CTBP2: variants seen among roughly 807,000 people sequenced by gnomAD.
CTBP2 encodes C-terminal binding protein 2, also known as C-terminal-binding protein 2.
CTBP2 carries 30 observed loss-of-function variants against 80.3 expected under a neutral mutation model. The observed-to-expected ratio is 0.37, with a 90% CI of 0.28 to 0.51. The LOEUF (loss-of-function observed/expected upper bound fraction) is 0.51. CTBP2 is among the 20% of genes least tolerant of loss of function. The probability of loss-of-function intolerance (pLI) is 0.93; values close to 1 mark genes in which losing one functional copy is unlikely to be tolerated. For synonymous variants in CTBP2, 594 were observed against 587.4 expected (o/e 1.01, Z -0.16); for missense variants, 1,212 against 1,375.3 (o/e 0.88, Z 1.88).
At chr10:125,114,459 T>C (rs1852853922) in intron 1 of CTBP2, among the ~76,000 whole-genome samples, 1 of 152,076 alleles carries the variant, frequency 6.6e-6, no homozygotes. Flanking sequence ...AGCTAGTTCC[T>C]GCACCTTCCA....
chr10:125,059,307 A>G (rs1018328648), intron 2 of CTBP2, among the ~76,000 whole-genome samples: 19 of 152,090 alleles, frequency 1.2e-4, no homozygotes, highest in African/African-American at 4.6e-4. Context: ...GAGGCCGGGC[A>G]TGGTGTTTCA....
chr10:125,135,357 G>C (rs1259420045), intron 1 of CTBP2, among the ~76,000 whole-genome samples: 1 of 152,090 alleles, frequency 6.6e-6, no homozygotes, highest in Admixed American at 6.5e-5. Context: ...AAAATGTAAG[G>C]TCCCGGAATC....
intron 2 of CTBP2, among the ~76,000 whole-genome samples, chr10:125,051,688 T>C (rs1962814045): frequency 6.6e-6 from 1 of 151,620 alleles, no homozygotes; most frequent in Non-Finnish European, 1.5e-5. Flanking sequence ...CCTTTTCAAT[T>C]AAATGCCCAC....
At chr10:125,003,562 C>T (rs1319811666) in intron 1 of CTBP2, 70 bp from the exon 4 acceptor site, 37 of 1,264,504 alleles carry the variant, frequency 2.9e-5, no homozygotes, top group Non-Finnish European at 3.7e-5. Flanking sequence ...AGGGGCAGCT[C>T]CCCACTCATC....
chr10:125,046,972 T>C (rs1002403080), intron 2 of CTBP2, among the ~76,000 whole-genome samples: 4 of 152,210 alleles, frequency 2.6e-5, no homozygotes, highest in African/African-American at 9.6e-5. Flanking sequence ...GCAGAAAGAA[T>C]TTGTGATTTT....
upstream of CTBP2, among the ~76,000 whole-genome samples, chr10:125,031,753 C>T (rs1958244819): frequency 6.6e-6 from 1 of 152,232 alleles, no homozygotes; most frequent in South Asian, 2.1e-4. Context: ...GTGCACCGTG[C>T]ACCCTTGCTT....
chr10:125,092,705 G>A (rs182534905), intron 2 of CTBP2, among the ~76,000 whole-genome samples: 2 of 152,316 alleles, frequency 1.3e-5, no homozygotes, highest in Admixed American at 6.5e-5. Context: ...AGGTGGTGAC[G>A]TCACCAGGCA....
intron 8 of CTBP2, among the ~76,000 whole-genome samples, chr10:124,990,365 T>C (rs984031237): frequency 1.3e-5 from 2 of 152,152 alleles, no homozygotes; most frequent in African/African-American, 2.4e-5. Flanking sequence ...TTTTATGGGA[T>C]AGTTTATCTT....
Position 125,098,746 on chromosome 10 carries a change from G to GAGAC in CTBP2, c.-102+12240_-102+12243dup, listed in dbSNP as rs1564914662. On this transcript the variant is annotated intron_variant, in intron 2 of 10. Coordinates refer to the CTBP2 transcript ENST00000337195. Reference sequence around the variant, plus strand: ...AGACAGAGAGAGAGAGAGAGAGAGAGAGACAGAGAGAGAGAGAGAGAGAGA... The same window carrying GAGAC: ...AGACAGAGAGAGAGAGAGAGAGAGAGAGACAGACAGAGAGAGAGAGAGAGAGAGA... 3.8e-5 allele frequency among the ~76,000 whole-genome samples: 3 copies of GAGAC among 79,298 alleles called. No individual in the cohort carries two copies. The Admixed American group carries it at 3.8e-4, about 10-fold the overall frequency. The allele number at this position is 79,298 out of a possible 152,430, so 52.0% of individuals were successfully genotyped here.
intron 1 of CTBP2, among the ~76,000 whole-genome samples, chr10:125,155,783 C>G (rs1377665445): frequency 1.3e-5 from 2 of 152,092 alleles, no homozygotes; most frequent in Non-Finnish European, 2.9e-5. Flanking sequence ...GGAGGAGAAG[C>G]CTTGCATTTT....
At chr10:125,039,261 C>A (rs1011971571) in intron 2 of CTBP2, 106 bp from the exon 3 acceptor site, 2 of 495,546 alleles carry the variant, frequency 4.0e-6, no homozygotes, top group Non-Finnish European at 7.1e-6. Flanking sequence ...ACCTGCCATG[C>A]GGACACATGG....
chr10:125,023,203 T>C (rs1460535137), intron 1 of CTBP2, among the ~76,000 whole-genome samples: 1 of 152,142 alleles, frequency 6.6e-6, no homozygotes, highest in East Asian at 1.9e-4. Flanking sequence ...ATTAATCCAG[T>C]TGCATCAAGA....
intron 2 of CTBP2, among the ~76,000 whole-genome samples, chr10:125,056,661 C>T (rs1393162938): frequency 6.6e-6 from 1 of 152,248 alleles, no homozygotes; most frequent in Non-Finnish European, 1.5e-5. Context: ...ATGACCAACG[C>T]CATCCTCCTG....
intron 2 of CTBP2, among the ~76,000 whole-genome samples, chr10:125,088,987 T>C (rs1430289356): frequency 6.6e-6 from 1 of 152,234 alleles, no homozygotes; most frequent in East Asian, 1.9e-4. Flanking sequence ...TCTTTTACTC[T>C]AGCTGGGATT....
At chr10:125,140,035 T>C (rs1857545124) in intron 1 of CTBP2, among the ~76,000 whole-genome samples, 1 of 152,044 alleles carries the variant, frequency 6.6e-6, no homozygotes, top group Non-Finnish European at 1.5e-5. Context: ...AAAGACACGA[T>C]GGGGTGTCCA....
At chr10:125,097,524 C>T (rs923924185) in intron 2 of CTBP2, among the ~76,000 whole-genome samples, 1 of 152,158 alleles carries the variant, frequency 6.6e-6, no homozygotes, top group East Asian at 1.9e-4. Context: ...GCGCAACCCC[C>T]GTGATGAGTA....
At position 125,082,589 on chromosome 10, in the gene CTBP2, C is replaced by CTTT. The variant is rs71486514; in HGVS notation, c.-102+28398_-102+28400dup. Among the ~76,000 whole-genome samples, 275 of 131,028 alleles carry CTTT rather than the reference C, an allele frequency of 2.1e-3. 2 individuals carry two copies. Among genetic ancestry groups the CTTT allele is most frequent in the African/African-American group, 2.4e-3 (76 of 32,218 alleles). 86.0% of individuals were successfully genotyped at this position (131,028 alleles called of 152,430 possible). A position where few individuals can be genotyped will look rare whatever the true frequency, so the allele number is the denominator to read the frequency against. On this transcript the variant is annotated intron_variant, in intron 2 of 10. Transcript: ENST00000337195. ...CCATGATCATTCTGCCAGCTTTCCT[C>CTTT]TTTTTTTTTTTTTTTTTTGAAACAG...
Position 125,003,482 on chromosome 10 carries a change from G to A in CTBP2, c.1689C>T (p.Pro563=). 6.4e-7 allele frequency: 1 copy of A among 1,565,964 alleles called. No individual in the cohort carries two copies. Reference sequence around the variant, plus strand: ...GGTGCAGGGGGCCGTTCATGATCTGGGGGCGGATACCTGCCAGGAGGGAAG... The same window carrying A: ...GGTGCAGGGGGCCGTTCATGATCTGAGGGCGGATACCTGCCAGGAGGGAAG... The change falls in exon 2 of 9, where the codon CCC becomes CCT. Residue 563 remains proline, a synonymous_variant. Coordinates refer to ENST00000309035, the MANE Select transcript of CTBP2 (RefSeq NM_022802.3).
At chr10:125,158,715 T>TA (rs1565074090) in intron 1 of CTBP2, 1 of 152,032 alleles carries the variant, frequency 6.6e-6, no homozygotes, top group African/African-American at 2.4e-5. Flanking sequence ...GAGCGGGGAT[T>TA]TCTACGAAAA....
Sources: allele counts gnomAD v4.1 joint callset (sites outside exome capture counted in the v4.1 genomes callset), GRCh38; gene constraint gnomAD v4.1.1; transcripts MANE v1.5; gene names NCBI Gene and HGNC (gene_info 2026-07-23, HGNC 2026-07-21).